Variants in PCDHA8 observed in about 807,000 individuals in gnomAD.
The protein encoded by PCDHA8 is protocadherin alpha 8, also known as protocadherin alpha-8.
In PCDHA8, 53 loss-of-function variants were observed where a neutral mutation model predicts 61.8. The observed-to-expected ratio is 0.86, with a 90% CI of 0.69 to 1.08. The LOEUF (loss-of-function observed/expected upper bound fraction) is 1.08. Ranked by LOEUF, PCDHA8 falls within the 50% of genes least tolerant of loss-of-function variation. The pLI is 0.00. For synonymous variants in PCDHA8, 618 were observed against 556.6 expected, an observed-to-expected ratio of 1.11 and a Z score of -1.55; for missense variants, 1,293 against 1,245.0, an observed-to-expected ratio of 1.04 and a Z score of -0.58.
At chr5:140,950,082 A>G (rs2094448240) in intron 1 of PCDHA8, among the ~76,000 whole-genome samples, 1 of 151,916 alleles carries the variant, frequency 6.6e-6, no homozygotes, top group South Asian at 2.1e-4. Flanking sequence ...TGCTTATGCT[A>G]TAGTTTTCAT....
chr5:141,002,973 G>A (rs1313247449), intron 3 of PCDHA8, among the ~76,000 whole-genome samples: 2 of 152,216 alleles, frequency 1.3e-5, no homozygotes, highest in African/African-American at 2.4e-5. Flanking sequence ...CCTGAAAATA[G>A]TATCCTTGGT....
At chr5:140,954,722 G>A (rs1554221565) in intron 1 of PCDHA8, among the ~76,000 whole-genome samples, 1 of 152,092 alleles carries the variant, frequency 6.6e-6, no homozygotes, top group African/African-American at 2.4e-5. Context: ...TCTGTAGGTT[G>A]TCTTTTCACT....
At chr5:140,989,637 T>C (rs1274152423) in intron 3 of PCDHA8, among the ~76,000 whole-genome samples, 2 of 152,070 alleles carry the variant, frequency 1.3e-5, no homozygotes, top group African/African-American at 4.8e-5. Flanking sequence ...ACAGCAAGGG[T>C]CTTTCATGGC....
At chr5:140,858,318 G>A (rs1441459097) in intron 1 of PCDHA8, 1 of 1,596,952 alleles carries the variant, frequency 6.3e-7, no homozygotes, top group African/African-American at 1.3e-5. Flanking sequence ...CAGAGGGTGT[G>A]TTCTGGGGAG....
intron 1 of PCDHA8, chr5:140,871,181 T>C (rs782405877): frequency 6.2e-7 from 1 of 1,613,552 alleles, no homozygotes; most frequent in Admixed American, 1.7e-5. Flanking sequence ...GCTGCGCTGG[T>C]GGATGTCAAC....
rs1188351170 is a variant in PCDHA8, at chr5:140,929,610, T to C, written c.2395-49339T>C. 7.3e-6 allele frequency: 3 copies of C among 408,442 alleles called. No individual in the cohort carries two copies. The South Asian group carries it at 4.1e-4, about 55-fold the overall frequency. 25.3% of individuals were successfully genotyped at this position (408,442 alleles called of 1,614,324 possible). On this transcript the variant is annotated intron_variant, in intron 1 of 3. Transcript: ENST00000531613. ...TAAAGGTCTAAAATTAAAAATAAAA[T>C]ACCAAAATATTTTATAAGCAACAGA...
chr5:140,926,742 C>G (rs1454782151), intron 1 of PCDHA8: 2 of 1,199,338 alleles, frequency 1.7e-6, no homozygotes, highest in East Asian at 5.8e-5. Context: ...GGAGGCGCAA[C>G]GTCGGCGGTC....
chr5:140,925,647 A>AATAATAATC (rs1477954591), intron 1 of PCDHA8, among the ~76,000 whole-genome samples: 5 of 123,794 alleles, frequency 4.0e-5, no homozygotes, highest in Non-Finnish European at 7.0e-5. Flanking sequence ...AAAGTATAAT[A>AATAATAATC]ATAATAATAA....
At chr5:140,849,820 C>A (rs2150451868) in intron 1 of PCDHA8, 1 of 1,598,424 alleles carries the variant, frequency 6.3e-7, no homozygotes, top group South Asian at 1.1e-5. Context: ...GCCAGGGTGT[C>A]TGTGGAGGTG....
chr5:140,898,644 T>C (rs2066890005), intron 1 of PCDHA8, among the ~76,000 whole-genome samples: 2 of 152,226 alleles, frequency 1.3e-5, no homozygotes, highest in Admixed American at 1.3e-4. Context: ...GCTTTGTTCT[T>C]TTGGCTTAGG....
chr5:140,883,313 G>T, intron 1 of PCDHA8: 1 of 1,614,118 alleles, frequency 6.2e-7, no homozygotes, highest in Non-Finnish European at 8.5e-7. Context: ...TAACGCCCCA[G>T]AGGTTACCAT....
At chr5:140,926,512 C>T in intron 1 of PCDHA8, 1 of 197,914 alleles carries the variant, frequency 5.1e-6, no homozygotes. Context: ...GTCTCCCAGG[C>T]TCCGCCCTGC....
intron 3 of PCDHA8, among the ~76,000 whole-genome samples, chr5:141,005,519 C>T (rs1374058521): frequency 1.3e-5 from 2 of 151,140 alleles, no homozygotes; most frequent in Middle Eastern, 3.2e-3. Context: ...CTGGCTAACA[C>T]GGTGAAACCC....
chr5:140,946,658 A>C (rs2094004902), intron 1 of PCDHA8, among the ~76,000 whole-genome samples: 1 of 147,652 alleles, frequency 6.8e-6, no homozygotes, highest in South Asian at 2.1e-4. Flanking sequence ...CAGCCATTAG[A>C]AAGAATGAAA....
At chr5:140,876,309 TG>T (rs782243460) in intron 1 of PCDHA8, 8 of 1,613,946 alleles carry the variant, frequency 5.0e-6, no homozygotes, top group Non-Finnish European at 6.8e-6. Flanking sequence ...AAATTTCCTA[TG>T]GGATCAAAAT....
At chr5:140,852,756 G>A in intron 1 of PCDHA8, 1 of 983,910 alleles carries the variant, frequency 1.0e-6, no homozygotes, top group Non-Finnish European at 1.2e-6. Context: ...CTTGGACCCA[G>A]GTATCTGATT....
In PCDHA8 at chr5:140,967,951, C is replaced by G. The variant is rs150201840; in HGVS notation, c.2395-10998C>G. On this transcript the variant is annotated intron_variant, in intron 1 of 3. Transcript: ENST00000531613. ...TCAGTGTCAATGACCAAGACTCAGG[C>G]CCCAACCGGAAAGTGAGCCTGGGTC... 6 of 1,614,078 alleles carry G rather than the reference C, an allele frequency of 3.7e-6. No homozygotes were observed. The African/African-American group carries it at 6.7e-5, about 18-fold the overall frequency.
rs781883324 is a variant in PCDHA8 at position 140,927,514 on chromosome 5, G to A, written c.2395-51435G>A. 3.2e-5 allele frequency: 52 copies of A among 1,613,938 alleles called. No individual in the cohort carries two copies. The highest frequency in any genetic ancestry group is 4.2e-5 in the Non-Finnish European group (49 of 1,180,040). ...CCTGCTGGTGCTTACAGCTCGGGAC[G>A]GCGGGCTACCTGCCCGCTCAGGAGA... On this transcript the variant is annotated intron_variant, in intron 1 of 3. Coordinates refer to ENST00000531613, the MANE Select transcript of PCDHA8 (RefSeq NM_018911.3).
rs1562414778 is a variant in PCDHA8, at chr5:140,843,546, C to T, written c.2225C>T (p.Ser742Phe). Residue 742 changes from serine to phenylalanine, a missense_variant, in exon 1 of 4, where the codon TCC (serine) becomes TTC (phenylalanine). Coordinates refer to ENST00000531613, the MANE Select transcript of PCDHA8 (RefSeq NM_018911.3). ...GCGGGCAAGCCCACTCTGGTGTGCT[C>T]CAGTGCGGTGGGGAGCTGGTCATAC... The part of the protein sequence containing the change: ...CRAGKPTLVC[S>F]SAVGSWSYSQ... The T allele has an allele frequency of 6.3e-7, 1 of 1,595,752 alleles. No homozygotes were observed. Among genetic ancestry groups the T allele is most frequent in the African/African-American group, 1.3e-5 (1 of 74,376 alleles).
Sources: gnomAD v4.1 joint callset for allele counts (sites outside exome capture counted in the v4.1 genomes callset) on GRCh38, gnomAD v4.1.1 for gene constraint, MANE v1.5 for transcripts, NCBI Gene and HGNC (gene_info 2026-07-23, HGNC 2026-07-21) for gene names.